TOMM34: variants seen among roughly 807,000 people sequenced by gnomAD.
TOMM34 encodes the protein translocase of outer mitochondrial membrane 34.
A neutral mutation model predicts 37.4 loss-of-function variants in TOMM34; 24 were observed. That is an observed-to-expected ratio of 0.64 (90% CI 0.46 to 0.90). The LOEUF is 0.90. TOMM34 is among the 40% of genes least tolerant of loss of function. TOMM34 has a pLI of 0.00. For synonymous variants in TOMM34, 154 were observed against 148.9 expected, an observed-to-expected ratio of 1.03 and a Z score of -0.25; for missense variants, 304 against 375.6, an observed-to-expected ratio of 0.81 and a Z score of 1.58.
At chr20:44,959,122 C>T (rs1382169166) in intron 1 of TOMM34, 3 of 152,084 alleles carry the variant, frequency 2.0e-5, no homozygotes, top group African/African-American at 7.2e-5. Flanking sequence ...ATTTTATCCA[C>T]AGGGCCATAA....
At chr20:44,948,592 G>T in intron 5 of TOMM34, 138 bp downstream of exon 5, 2 of 1,071,084 alleles carry the variant, frequency 1.9e-6, no homozygotes, top group Non-Finnish European at 2.7e-6. Context: ...GTCATGGCTA[G>T]CTCACAACGT....
intron 5 of TOMM34, among the ~76,000 whole-genome samples, chr20:44,944,522 G>A (rs1283637630): frequency 2.0e-5 from 3 of 152,098 alleles, no homozygotes; most frequent in African/African-American, 7.2e-5. Context: ...ACATCCTTGT[G>A]CAAGGGACTG....
At chr20:44,951,249 T>C (rs1309870031) in intron 4 of TOMM34, among the ~76,000 whole-genome samples, 2 of 152,154 alleles carry the variant, frequency 1.3e-5, no homozygotes, top group African/African-American at 4.8e-5. Flanking sequence ...ACTTTCTTTC[T>C]CTGGGTCATG....
In TOMM34 at chr20:44,960,328, G is replaced by A; in HGVS notation, c.6C>T (p.Ala2=). Residue 2 remains alanine, a synonymous_variant, in exon 1 of 7, where the codon GCC becomes GCT. Transcript: ENST00000372813. ...CCTCCACAGAGTCTGGGAATTTGGG[G>A]GCCATCCCGTGGCCAGGCCGGCGAG... M[A]PKFPDSVEEL... 6.4e-7 allele frequency: 1 copy of A among 1,573,216 alleles called. No individual in the cohort carries two copies. The highest frequency in any genetic ancestry group is 8.6e-7 in the Non-Finnish European group (1 of 1,159,844).
chr20:44,945,353 G>A (rs1206058605), intron 5 of TOMM34, among the ~76,000 whole-genome samples: 1 of 152,220 alleles, frequency 6.6e-6, no homozygotes, highest in Non-Finnish European at 1.5e-5. Flanking sequence ...AGAGGCGGAG[G>A]TGTATCTGCT....
chr20:44,955,305 G>C, intron 2 of TOMM34, 85 bp from the exon 3 acceptor site: 1 of 1,538,052 alleles, frequency 6.5e-7, no homozygotes, highest in Non-Finnish European at 8.8e-7. Context: ...GGGTTATCTG[G>C]AGCACTCAGC....
At chr20:44,956,361 C>A in intron 2 of TOMM34, 25 bp downstream of exon 2, 2 of 1,612,788 alleles carry the variant, frequency 1.2e-6, no homozygotes, top group Non-Finnish European at 1.7e-6. Context: ...CCTCAGGCAT[C>A]CCAAAATTAC....
At chr20:44,946,894 G>A (rs764788990) in intron 5 of TOMM34, among the ~76,000 whole-genome samples, 5 of 152,184 alleles carry the variant, frequency 3.3e-5, no homozygotes, top group Admixed American at 6.5e-5. Flanking sequence ...ATGATCCGAA[G>A]CTTTAGCTAG....
intron 3 of TOMM34, among the ~76,000 whole-genome samples, chr20:44,952,489 C>T (rs2067034988): frequency 6.6e-6 from 1 of 152,168 alleles, no homozygotes; most frequent in Non-Finnish European, 1.5e-5. Context: ...TGGTCCCCAC[C>T]CCTTCCTGTC....
In TOMM34 at chr20:44,956,367, ATTAC is replaced by A. The variant is rs1303772915; in HGVS notation, c.227+15_227+18del. On this transcript the variant is annotated intron_variant, in intron 2 of 6. Coordinates refer to ENST00000372813, the MANE Select transcript of TOMM34 (RefSeq NM_006809.5). ...TTCTGAGACCCTCAGGCATCCCAAA[ATTAC>A]CCTTGGCCACTTACGAAGTGCAATC... is the stretch of plus-strand genomic sequence containing the variant. 1 of 1,613,684 alleles carries A rather than the reference ATTAC, an allele frequency of 6.2e-7. No individual in the cohort carries two copies. Among genetic ancestry groups the A allele is most frequent in the Admixed American group, 1.7e-5 (1 of 60,006 alleles).
At chr20:44,958,882 AAAG>A (rs1426369561) in intron 1 of TOMM34, 2 of 151,986 alleles carry the variant, frequency 1.3e-5, no homozygotes, top group Non-Finnish European at 1.5e-5. Flanking sequence ...TTTCTAGAAC[AAAG>A]AAGGGGGCAA....
chr20:44,949,506 G>C (rs921701889), intron 4 of TOMM34, among the ~76,000 whole-genome samples: 1 of 152,208 alleles, frequency 6.6e-6, no homozygotes, highest in African/African-American at 2.4e-5. Flanking sequence ...AGGAGAGGAA[G>C]CAGAGGGAAC....
chr20:44,946,493 T>G (rs1213941209), intron 5 of TOMM34, among the ~76,000 whole-genome samples: 1 of 152,232 alleles, frequency 6.6e-6, no homozygotes, highest in Non-Finnish European at 1.5e-5. Context: ...TCAGCCACCA[T>G]GTACTAGTTG....
intron 1 of TOMM34, among the ~76,000 whole-genome samples, 168 bp from the exon 2 acceptor site, chr20:44,956,653 T>C (rs1451807688): frequency 1.3e-5 from 2 of 152,212 alleles, no homozygotes; most frequent in Non-Finnish European, 2.9e-5. Context: ...GTCATTCTTA[T>C]GTGACAGAAG....
At chr20:44,950,533 G>A (rs2067017217) in intron 4 of TOMM34, among the ~76,000 whole-genome samples, 1 of 152,170 alleles carries the variant, frequency 6.6e-6, no homozygotes, top group African/African-American at 2.4e-5. Flanking sequence ...TGGAACACAT[G>A]GCTCAGTGAC....
rs756125775 is a variant in TOMM34, at chr20:44,960,223, C to G, written c.111G>C (p.Arg37=). The G allele has an allele frequency of 3.8e-6, 6 of 1,560,420 alleles. No individual in the cohort carries two copies. Among genetic ancestry groups the G allele is most frequent in the African/African-American group, 1.4e-5 (1 of 72,508 alleles). The change falls in exon 1 of 7, where the codon CGG becomes CGC. Residue 37 remains arginine, a synonymous_variant. Coordinates refer to ENST00000372813, the MANE Select transcript of TOMM34 (RefSeq NM_006809.5). ...GGGTCGTACCTTGCGCCTGCAGCACCCGCAGCGCGCGGCCGTAGAGCGCGG... is the reference window on the plus strand; with the variant it reads ...GGGTCGTACCTTGCGCCTGCAGCACGCGCAGCGCGCGGCCGTAGAGCGCGG... ...EASALYGRAL[R]VLQAQGSSDP...
At position 44,960,191 on chromosome 20, in the gene TOMM34, G is replaced by C; in HGVS notation, c.127+16C>G. 5 of 1,551,528 alleles carry C rather than the reference G, an allele frequency of 3.2e-6. No individual in the cohort carries two copies. The highest frequency in any genetic ancestry group is 1.2e-5 in the South Asian group (1 of 84,222). On this transcript the variant is annotated intron_variant, in intron 1 of 6. Transcript: ENST00000372813. Reference sequence around the variant, plus strand: ...GAGGAGCAGGCCCGGAGGTGAGATGGGGGCCGGGGTCGTACCTTGCGCCTG... The same window carrying C: ...GAGGAGCAGGCCCGGAGGTGAGATGCGGGCCGGGGTCGTACCTTGCGCCTG...
rs766682376 is a variant in TOMM34, at chr20:44,951,815, C to T, written c.550+18G>A. On this transcript the variant is annotated intron_variant, in intron 4 of 6. Transcript: ENST00000372813. ...TAGTGGGAGATTGCAAGACTCTGGGCAGGGAGTCACAGCTCACCTCTGTTC... is the reference window on the plus strand; with the variant it reads ...TAGTGGGAGATTGCAAGACTCTGGGTAGGGAGTCACAGCTCACCTCTGTTC... The T allele has an allele frequency of 6.2e-6, 10 of 1,607,164 alleles. No homozygotes were observed. Among genetic ancestry groups the T allele is most frequent in the Non-Finnish European group, 8.5e-6 (10 of 1,175,886 alleles).
At chr20:44,946,015 G>C (rs1265003121) in intron 5 of TOMM34, among the ~76,000 whole-genome samples, 1 of 152,054 alleles carries the variant, frequency 6.6e-6, no homozygotes, top group East Asian at 1.9e-4. Context: ...ATGCCACCAT[G>C]CCCAGCTAAC....
Sources: gnomAD v4.1 joint callset for allele counts (sites outside exome capture counted in the v4.1 genomes callset) on GRCh38, gnomAD v4.1.1 for gene constraint, MANE v1.5 for transcripts, NCBI Gene and HGNC (gene_info 2026-07-23, HGNC 2026-07-21) for gene names.